The following GPC6 variants were observed in gnomAD, a reference collection of about 807,000 sequenced individuals.
GPC6 encodes the protein glypican-6.
In GPC6, 14 loss-of-function variants were observed where a neutral mutation model predicts 55.2. The ratio of observed to expected loss-of-function variants is 0.25; its 90% CI spans 0.17 to 0.40. The LOEUF (loss-of-function observed/expected upper bound fraction) is 0.40. GPC6 is among the 10% of genes least tolerant of loss of function. The probability of loss-of-function intolerance (pLI) is 1.00; values close to 1 mark genes in which losing one functional copy is unlikely to be tolerated. For missense variants in GPC6, 641 were observed against 708.5 expected, an observed-to-expected ratio of 0.90 and a Z score of 1.08; for synonymous variants, 278 against 259.6, an observed-to-expected ratio of 1.07 and a Z score of -0.68.
chr13:93,602,183 T>C (rs1028185649), intron 2 of GPC6, among the ~76,000 whole-genome samples: 1 of 152,184 alleles, frequency 6.6e-6, no homozygotes, highest in African/African-American at 2.4e-5. Flanking sequence ...TTGACAACGA[T>C]AAAATATTCT....
chr13:94,108,667 C>T (rs1886139031), intron 4 of GPC6, among the ~76,000 whole-genome samples: 1 of 151,830 alleles, frequency 6.6e-6, no homozygotes, highest in Admixed American at 6.6e-5. Flanking sequence ...ATGGTGAAAC[C>T]CTGTCTCTAC....
intron 3 of GPC6, among the ~76,000 whole-genome samples, chr13:93,978,830 A>G (rs528252690): frequency 1.3e-5 from 2 of 152,302 alleles, no homozygotes; most frequent in Admixed American, 6.5e-5. Context: ...TCTACATATT[A>G]CTGACTCCCT....
intron 3 of GPC6, among the ~76,000 whole-genome samples, chr13:93,865,367 T>C (rs1029630378): frequency 1.3e-5 from 2 of 151,720 alleles, no homozygotes; most frequent in African/African-American, 4.8e-5. Flanking sequence ...CTAATTTCCA[T>C]GCAGCCAGGC....
chr13:93,912,838 C>T (rs1877079252), intron 3 of GPC6, among the ~76,000 whole-genome samples: 2 of 152,168 alleles, frequency 1.3e-5, no homozygotes. Context: ...CTTCTGGAGG[C>T]ACTGAAAGAG....
chr13:93,725,304 C>T (rs982458331), intron 2 of GPC6, among the ~76,000 whole-genome samples: 1 of 151,986 alleles, frequency 6.6e-6, no homozygotes, highest in African/African-American at 2.4e-5. Flanking sequence ...ATCTTTATCT[C>T]ATGCTCTTAG....
chr13:93,727,608 A>G (rs570536907), intron 2 of GPC6, among the ~76,000 whole-genome samples: 1 of 152,194 alleles, frequency 6.6e-6, no homozygotes, highest in Admixed American at 6.6e-5. Flanking sequence ...CTCTGATGTT[A>G]TAACATGAAA....
At chr13:94,013,190 A>T (rs573375380) in intron 3 of GPC6, among the ~76,000 whole-genome samples, 31 of 149,296 alleles carry the variant, frequency 2.1e-4, no homozygotes, top group African/African-American at 7.4e-4. Flanking sequence ...AATGAAAAAT[A>T]TCCATTCTTG....
In GPC6 at chr13:93,295,618, C is replaced by T. The variant is rs374219228; in HGVS notation, c.160+68002C>T. Among the ~76,000 whole-genome samples, 565 of 151,964 alleles carry T rather than the reference C, an allele frequency of 3.7e-3. 1 individual carries two copies. Among genetic ancestry groups the T allele is most frequent in the African/African-American group, 0.012 (504 of 41,460 alleles). ...GCCTCAGCCTCCCAAGTAGCTGGGA[C>T]TATAGGCGCCTGCTACTGCGCTCGG... is the stretch of plus-strand genomic sequence containing the variant. On this transcript the variant is annotated intron_variant, in intron 1 of 8. Transcript: ENST00000377047.
intron 4 of GPC6, among the ~76,000 whole-genome samples, chr13:94,182,564 G>A: frequency 6.6e-6 from 1 of 152,120 alleles, no homozygotes; most frequent in East Asian, 1.9e-4. Context: ...TCTCACAATT[G>A]GGAGTAGTAG....
At position 93,615,549 on chromosome 13, in the gene GPC6, C is replaced by G. The variant is rs118011011; in HGVS notation, c.319+70128C>G. Among the ~76,000 whole-genome samples the G allele has an allele frequency of 2.0e-5, 3 of 152,104 alleles. No homozygotes were observed. The South Asian group carries it at 6.2e-4, about 31-fold the overall frequency. On this transcript the variant is annotated intron_variant, in intron 2 of 8. Transcript: ENST00000377047. ...TGTTAATGGGCTATTTGGGCAGCAG[C>G]CACACAAACGCTTTCACATAGATCA... is the stretch of plus-strand genomic sequence containing the variant.
intron 2 of GPC6, among the ~76,000 whole-genome samples, chr13:93,592,059 T>C (rs1417584473): frequency 1.3e-5 from 2 of 152,180 alleles, no homozygotes; most frequent in African/African-American, 4.8e-5. Context: ...CTGATGAATG[T>C]ATTAACTGCA....
chr13:94,028,364 T>C (rs1050885126), intron 4 of GPC6, among the ~76,000 whole-genome samples: 3 of 152,210 alleles, frequency 2.0e-5, no homozygotes, highest in Non-Finnish European at 4.4e-5. Context: ...CTAATGTTTT[T>C]ACTGTATGTT....
chr13:94,183,230 C>T (rs916428502), intron 4 of GPC6, among the ~76,000 whole-genome samples: 7 of 152,124 alleles, frequency 4.6e-5, no homozygotes, highest in Non-Finnish European at 1.0e-4. Flanking sequence ...TACCCCCAAC[C>T]CCTGGTAATC....
At chr13:93,254,410 A>G (rs1262459998) in intron 1 of GPC6, among the ~76,000 whole-genome samples, 2 of 152,190 alleles carry the variant, frequency 1.3e-5, no homozygotes, top group African/African-American at 4.8e-5. Context: ...AAATATAAAT[A>G]TTTTTATAAC....
intron 3 of GPC6, among the ~76,000 whole-genome samples, chr13:93,832,145 A>ATAT (rs71272209): frequency 3.4e-5 from 4 of 117,498 alleles, no homozygotes; most frequent in East Asian, 2.6e-4. Flanking sequence ...ATATATATAT[A>ATAT]ATGTCCTTAC....
intron 2 of GPC6, among the ~76,000 whole-genome samples, chr13:93,704,251 C>T (rs909778022): frequency 1.6e-4 from 24 of 151,908 alleles, no homozygotes; most frequent in African/African-American, 4.6e-4. Flanking sequence ...TTTGTACTTA[C>T]ATATTAACCA....
intron 2 of GPC6, among the ~76,000 whole-genome samples, chr13:93,773,268 G>C (rs1297434325): frequency 6.6e-6 from 1 of 152,062 alleles, no homozygotes; most frequent in Non-Finnish European, 1.5e-5. Flanking sequence ...ATAATACAAT[G>C]TTATATTCTG....
intron 2 of GPC6, among the ~76,000 whole-genome samples, chr13:93,692,629 A>G (rs1342455225): frequency 6.6e-6 from 1 of 151,960 alleles, no homozygotes; most frequent in Non-Finnish European, 1.5e-5. Flanking sequence ...TACCATCTTA[A>G]ATTTTAGTAC....
At chr13:93,678,382 G>A (rs2138761657) in intron 2 of GPC6, among the ~76,000 whole-genome samples, 1 of 152,256 alleles carries the variant, frequency 6.6e-6, no homozygotes, top group South Asian at 2.1e-4. Context: ...GATACACAAT[G>A]TTGTATGTGA....
Sources: gnomAD v4.1 joint callset for allele counts (sites outside exome capture counted in the v4.1 genomes callset) on GRCh38, gnomAD v4.1.1 for gene constraint, MANE v1.5 for transcripts, NCBI Gene and HGNC (gene_info 2026-07-23, HGNC 2026-07-21) for gene names.